Variants in PARD3B observed in about 807,000 individuals in gnomAD.
The protein encoded by PARD3B is partitioning defective 3 homolog B.
PARD3B carries 103 observed loss-of-function variants against 130.2 expected under a neutral mutation model. The observed-to-expected ratio is 0.79, with a 90% CI of 0.67 to 0.93. PARD3B has a LOEUF of 0.93. Ranked by LOEUF, PARD3B falls within the 40% of genes least tolerant of loss-of-function variation. The probability of loss-of-function intolerance (pLI) is 0.00; values close to 1 mark genes in which losing one functional copy is unlikely to be tolerated. For missense variants in PARD3B, 1,609 were observed against 1,499.2 expected, an observed-to-expected ratio of 1.07 and a Z score of -1.21; for synonymous variants, 583 against 553.2, an observed-to-expected ratio of 1.05 and a Z score of -0.76.
intron 3 of PARD3B, among the ~76,000 whole-genome samples, chr2:205,022,230 A>C (rs1411834657): frequency 6.6e-6 from 1 of 152,240 alleles, no homozygotes; most frequent in Non-Finnish European, 1.5e-5. Flanking sequence ...TCTATTATGA[A>C]TACTATGCCA....
chr2:204,947,808 T>A (rs183256387), intron 2 of PARD3B, among the ~76,000 whole-genome samples: 180 of 152,336 alleles, frequency 1.2e-3, no homozygotes, highest in African/African-American at 3.9e-3. Context: ...GAAAGTGACA[T>A]GTCATCTTCT....
chr2:204,826,854 T>C (rs1005935331), intron 2 of PARD3B, among the ~76,000 whole-genome samples: 1 of 152,096 alleles, frequency 6.6e-6, no homozygotes, highest in Admixed American at 6.5e-5. Flanking sequence ...ACTCTTTCTC[T>C]ACAAAAATTA....
rs147614138 is a variant in PARD3B at position 205,225,550 on chromosome 2, T to A, written c.2141-20228T>A. ...TTAGTCTGTTCTCACTCACACTGTT[T>A]TAAAGAACTACCTGAGACTGGGTAA... On this transcript the variant is annotated intron_variant, in intron 15 of 22. Transcript: ENST00000406610. Among the ~76,000 whole-genome samples, 897 of 152,294 alleles carry A rather than the reference T, an allele frequency of 5.9e-3. 11 individuals are homozygous for A. Among genetic ancestry groups the A allele is most frequent in the African/African-American group, 0.02 (849 of 41,558 alleles).
chr2:204,942,461 G>C (rs925180985), intron 2 of PARD3B, among the ~76,000 whole-genome samples: 1 of 152,058 alleles, frequency 6.6e-6, no homozygotes, highest in Non-Finnish European at 1.5e-5. Context: ...GACTCTGAGG[G>C]ACCACAAGCA....
intron 15 of PARD3B, among the ~76,000 whole-genome samples, chr2:205,209,751 C>T (rs1467852814): frequency 1.3e-5 from 2 of 151,768 alleles, no homozygotes; most frequent in Non-Finnish European, 2.9e-5. Flanking sequence ...AGACAACTAT[C>T]TGATTTTTAG....
At chr2:205,489,423 G>A (rs1039438533) in intron 20 of PARD3B, among the ~76,000 whole-genome samples, 7 of 151,068 alleles carry the variant, frequency 4.6e-5, no homozygotes, top group African/African-American at 1.5e-4. Flanking sequence ...GTTACAATCA[G>A]CTATTATCAC....
At chr2:205,317,160 G>A (rs976746929) in intron 18 of PARD3B, among the ~76,000 whole-genome samples, 7 of 152,182 alleles carry the variant, frequency 4.6e-5, no homozygotes, top group African/African-American at 1.7e-4. Flanking sequence ...ACCACTTGCA[G>A]TGTACTCAGT....
chr2:204,701,954 C>T (rs534472951), intron 2 of PARD3B, among the ~76,000 whole-genome samples: 6 of 152,148 alleles, frequency 3.9e-5, no homozygotes, highest in African/African-American at 1.2e-4. Context: ...TCCATGAGTA[C>T]GTGTTGTTTA....
intron 18 of PARD3B, among the ~76,000 whole-genome samples, chr2:205,371,859 G>A (rs111935238): frequency 1.4e-4 from 21 of 151,876 alleles, no homozygotes; most frequent in Non-Finnish European, 2.6e-4. Flanking sequence ...ACTTTCTGTC[G>A]CTCTACATTT....
intron 13 of PARD3B, among the ~76,000 whole-genome samples, chr2:205,181,604 A>G (rs879659167): frequency 2.6e-5 from 4 of 152,244 alleles, no homozygotes; most frequent in Non-Finnish European, 5.9e-5. Context: ...CTTTATTTGC[A>G]AAGGCAGGTG....
chr2:205,443,222 G>T (rs988242991), intron 20 of PARD3B, among the ~76,000 whole-genome samples: 5 of 152,216 alleles, frequency 3.3e-5, no homozygotes, highest in Non-Finnish European at 7.3e-5. Flanking sequence ...TCTAAGAAGA[G>T]TTGCTATGGC....
rs1248898407 is a variant in PARD3B at position 205,365,666 on chromosome 2, C to T, written c.2631-35347C>T. ...CCATTAAATGTATCTTCTTTGGGGACTTAATCTTTGTGCCCAGGCATGTTG... is the reference window on the plus strand; with the variant it reads ...CCATTAAATGTATCTTCTTTGGGGATTTAATCTTTGTGCCCAGGCATGTTG... On this transcript the variant is annotated intron_variant, in intron 18 of 22. Transcript: ENST00000406610. Among the ~76,000 whole-genome samples, 4 of 148,664 alleles carry T rather than the reference C, an allele frequency of 2.7e-5. No individual in the cohort carries two copies. In the Admixed American group the frequency reaches 2.8e-4, roughly 10 times the overall value.
At chr2:204,984,463 G>C (rs1019642598) in intron 3 of PARD3B, among the ~76,000 whole-genome samples, 1 of 152,138 alleles carries the variant, frequency 6.6e-6, no homozygotes, top group Non-Finnish European at 1.5e-5. Flanking sequence ...TCAGATTTAG[G>C]CCAGTGATAG....
At chr2:205,156,820 TA>T (rs1000471426) in intron 10 of PARD3B, among the ~76,000 whole-genome samples, 4 of 152,070 alleles carry the variant, frequency 2.6e-5, no homozygotes, top group South Asian at 4.2e-4. Flanking sequence ...GTCAGAGACT[TA>T]AAAAAAATTT....
At chr2:204,863,739 T>C (rs939066686) in intron 2 of PARD3B, among the ~76,000 whole-genome samples, 22 of 152,232 alleles carry the variant, frequency 1.4e-4, no homozygotes, top group African/African-American at 5.1e-4. Flanking sequence ...TGGATCTCAA[T>C]GTGCATGAAA....
At chr2:204,918,294 G>A (rs903992107) in intron 2 of PARD3B, among the ~76,000 whole-genome samples, 1 of 152,154 alleles carries the variant, frequency 6.6e-6, no homozygotes, top group Admixed American at 6.5e-5. Context: ...TTTCCTAAGG[G>A]AGAAATTTCT....
chr2:205,101,406 G>A (rs1702781329), intron 4 of PARD3B, among the ~76,000 whole-genome samples: 1 of 152,208 alleles, frequency 6.6e-6, no homozygotes, highest in Non-Finnish European at 1.5e-5. Context: ...AGTCTATGGA[G>A]ATATTAAAAC....
intron 2 of PARD3B, among the ~76,000 whole-genome samples, chr2:204,937,586 T>G (rs940201677): frequency 6.6e-6 from 1 of 152,188 alleles, no homozygotes; most frequent in African/African-American, 2.4e-5. Context: ...GCATATTTCT[T>G]GATTCTTGAA....
At chr2:205,408,361 C>A (rs1053912536) in intron 19 of PARD3B, among the ~76,000 whole-genome samples, 2 of 152,136 alleles carry the variant, frequency 1.3e-5, no homozygotes, top group African/African-American at 2.4e-5. Flanking sequence ...GGGTGAAAAT[C>A]TATTCCCAAC....
Sources: allele counts gnomAD v4.1 joint callset (sites outside exome capture counted in the v4.1 genomes callset), GRCh38; gene constraint gnomAD v4.1.1; transcripts MANE v1.5; gene names NCBI Gene and HGNC (gene_info 2026-07-23, HGNC 2026-07-21).